The following EPG5 variants were observed in gnomAD, a reference collection of about 807,000 sequenced individuals.
The protein encoded by EPG5 is ectopic P granules protein 5 homolog.
Under a neutral mutation model 302.7 loss-of-function variants are expected in EPG5, and 159 were observed. The ratio of observed to expected loss-of-function variants is 0.53; its 90% CI spans 0.46 to 0.60. EPG5 has a LOEUF of 0.60. Ranked by LOEUF, EPG5 falls within the 20% of genes least tolerant of loss-of-function variation. The pLI, the probability that EPG5 is intolerant of heterozygous loss-of-function variation, is 0.00. For missense variants in EPG5, 2,896 were observed against 3,092.4 expected (o/e 0.94, Z 1.51); for synonymous variants, 1,158 against 1,136.8 (o/e 1.02, Z -0.37).
rs1412343479 is a variant in EPG5 at position 45,934,790 on chromosome 18, C to T, written c.2257+19G>A. 3 of 1,586,356 alleles carry T rather than the reference C, an allele frequency of 1.9e-6. No individual in the cohort carries two copies. The African/African-American group carries it at 4.1e-5, about 22-fold the overall frequency. Reference sequence around the variant, plus strand: ...AAAGATAGGGAGAGCTGGACGCCGACTGCTCGGCGGGGCTGTACCTTGGAG... The same window carrying T: ...AAAGATAGGGAGAGCTGGACGCCGATTGCTCGGCGGGGCTGTACCTTGGAG... On this transcript the variant is annotated intron_variant, in intron 11 of 43. Transcript: ENST00000282041.
At chr18:45,837,155 G>T in the EPG5 span, 4 of 1,595,982 alleles carry the variant, frequency 2.5e-6, no homozygotes, top group Admixed American at 3.4e-5. Flanking sequence ...CGAGATCCCA[G>T]GGTTTTTCCA....
At chr18:45,901,621 G>T (rs1194585778) in intron 25 of EPG5, among the ~76,000 whole-genome samples, 2 of 152,148 alleles carry the variant, frequency 1.3e-5, no homozygotes, top group Admixed American at 6.5e-5. Flanking sequence ...TGAACAGGAG[G>T]ACTGGATGCA....
chr18:45,803,903 C>G, the EPG5 span, among the ~76,000 whole-genome samples: 1 of 152,160 alleles, frequency 6.6e-6, no homozygotes, highest in Non-Finnish European at 1.5e-5. Flanking sequence ...TCCAAAATTT[C>G]TTGACATATT....
rs115269409 is a variant in EPG5 at position 45,917,102 on chromosome 18, G to A, written c.3240-520C>T. ...ATACTGCTTGAAAAGACACATAACA[G>A]GAAAACTGTAATGCTCCCCTTGTGC... is the stretch of plus-strand genomic sequence containing the variant. On this transcript the variant is annotated intron_variant, in intron 17 of 43. Coordinates refer to ENST00000282041, the MANE Select transcript of EPG5 (RefSeq NM_020964.3). Among the ~76,000 whole-genome samples, 1,050 of 152,246 alleles carry A rather than the reference G, an allele frequency of 6.9e-3. 12 individuals carry two copies. The highest frequency in any genetic ancestry group is 0.023 in the African/African-American group (969 of 41,528).
chr18:45,818,058 C>T, the EPG5 span, among the ~76,000 whole-genome samples: 1 of 152,102 alleles, frequency 6.6e-6, no homozygotes, highest in Non-Finnish European at 1.5e-5. Context: ...ATAGACTATT[C>T]TATACCTTAT....
intron 23 of EPG5, among the ~76,000 whole-genome samples, chr18:45,909,287 T>C (rs999368750): frequency 1.3e-5 from 2 of 152,148 alleles, no homozygotes; most frequent in African/African-American, 2.4e-5. Flanking sequence ...GAGGGGGATA[T>C]AACAGAGGCA....
At chr18:45,887,952 C>G (rs773152766) in intron 28 of EPG5, 45 bp from the exon 29 acceptor site, 1 of 1,409,526 alleles carries the variant, frequency 7.1e-7, no homozygotes, top group South Asian at 1.6e-5. Flanking sequence ...GTAAAAGATT[C>G]CATACTCACA....
intron 39 of EPG5, among the ~76,000 whole-genome samples, chr18:45,862,314 G>A (rs1473538318): frequency 1.3e-5 from 2 of 151,992 alleles, no homozygotes; most frequent in African/African-American, 4.8e-5. Flanking sequence ...GTCTTTGACT[G>A]TAATTTTGCC....
the EPG5 span, chr18:45,838,955 G>A: frequency 6.2e-7 from 1 of 1,604,500 alleles, no homozygotes; most frequent in East Asian, 2.2e-5. Context: ...AGCCTGGGCC[G>A]CTCCGAGGCC....
At chr18:45,937,293 C>A (rs1303297998) in intron 10 of EPG5, among the ~76,000 whole-genome samples, 4 of 149,240 alleles carry the variant, frequency 2.7e-5, no homozygotes, top group South Asian at 2.1e-4. Flanking sequence ...TATACACACA[C>A]ATACACGTAT....
chr18:45,885,388 A>G (rs975987899), intron 29 of EPG5, among the ~76,000 whole-genome samples: 2 of 152,142 alleles, frequency 1.3e-5, no homozygotes, highest in African/African-American at 4.8e-5. Context: ...GACTTTTAAG[A>G]CATTAAAATA....
At chr18:45,909,330 T>C (rs2049837171) in intron 23 of EPG5, among the ~76,000 whole-genome samples, 1 of 152,168 alleles carries the variant, frequency 6.6e-6, no homozygotes, top group African/African-American at 2.4e-5. Flanking sequence ...TTGGCTTATC[T>C]AAAATATTCA....
chr18:45,906,801 C>A (rs1461609444), intron 24 of EPG5, among the ~76,000 whole-genome samples: 2 of 152,040 alleles, frequency 1.3e-5, no homozygotes, highest in African/African-American at 4.8e-5. Flanking sequence ...ATTACAGGCG[C>A]CCACCACCAT....
rs2050992088 is a variant in EPG5, at chr18:45,954,957, C to A, written c.445G>T (p.Gly149Cys). Residue 149 changes from glycine to cysteine, a missense_variant, in exon 2 of 44, where the codon GGT becomes TGT. Coordinates refer to ENST00000282041, the MANE Select transcript of EPG5 (RefSeq NM_020964.3). The stretch of plus-strand genomic sequence containing the variant: ...TGGGGTGCACTTTCTGAAAGTCCAC[C>A]TTGTACCGACATATTTTCCTCTACC... ...TEVEENMSVQ[G>C]GLSESAPQSN... is the part of the protein sequence containing the mutation. The A allele has an allele frequency of 6.2e-7, 1 of 1,613,834 alleles. No individual in the cohort carries two copies. Among genetic ancestry groups the A allele is most frequent in the Non-Finnish European group, 8.5e-7 (1 of 1,179,906 alleles).
Position 45,954,528 on chromosome 18 carries a change from C to A in EPG5, c.874G>T (p.Glu292Ter). ...MAHQDRHEFY[E>*]LLLNYSRCRK... ...CATCGTGAGTAGTTCAAAAGCAACT[C>A]ATAAAATTCATGCCTGTCTTGATGA... The change falls in exon 2 of 44, where the codon GAG becomes TAG. Residue 292 changes from glutamate to a stop codon, truncating the protein, a stop_gained. Coordinates refer to ENST00000282041, the MANE Select transcript of EPG5 (RefSeq NM_020964.3). LOFTEE classifies it high-confidence loss of function. The A allele has an allele frequency of 6.2e-7, 1 of 1,614,258 alleles. No individual in the cohort carries two copies. Among genetic ancestry groups the A allele is most frequent in the Non-Finnish European group, 8.5e-7 (1 of 1,180,050 alleles).
Position 45,876,493 on chromosome 18 carries a change from CA to C in EPG5, c.5943-152del, listed in dbSNP as rs1463273310. On this transcript the variant is annotated intron_variant, in intron 34 of 43. Coordinates refer to ENST00000282041, the MANE Select transcript of EPG5 (RefSeq NM_020964.3). ...ATACTTAAAAGGCTGTAAATAACTG[CA>C]GGCGAATTGTAGCTTGTAACACCAG... 5.1e-6 allele frequency: 3 copies of C among 590,342 alleles called. No homozygotes were observed. In the African/African-American group the frequency reaches 5.6e-5, roughly 11 times the overall value. 36.6% of individuals were successfully genotyped at this position (590,342 alleles called of 1,614,324 possible).
At chr18:45,840,110 T>C in the EPG5 span, 1 of 1,359,928 alleles carries the variant, frequency 7.4e-7, no homozygotes, top group Non-Finnish European at 1.0e-6. Context: ...AAAACAGTGG[T>C]TTCCTCGAGA....
At chr18:45,858,090 A>T in intron 41 of EPG5, 22 bp from the exon 42 acceptor site, 1 of 1,590,118 alleles carries the variant, frequency 6.3e-7, no homozygotes, top group Non-Finnish European at 8.6e-7. Context: ...ACCGGAGGAA[A>T]ATAAAATTAG....
At chr18:45,803,535 T>C in the EPG5 span, among the ~76,000 whole-genome samples, 3 of 152,216 alleles carry the variant, frequency 2.0e-5, no homozygotes, top group Non-Finnish European at 2.9e-5. Flanking sequence ...AAACTCACCA[T>C]CTTTCTGGCC....
Sources: gnomAD v4.1 joint callset for allele counts (sites outside exome capture counted in the v4.1 genomes callset) on GRCh38, gnomAD v4.1.1 for gene constraint, MANE v1.5 for transcripts, NCBI Gene and HGNC (gene_info 2026-07-23, HGNC 2026-07-21) for gene names.